Variants in SMARCC1 observed in about 807,000 individuals in gnomAD.
The protein encoded by SMARCC1 is SWI/SNF related BAF chromatin remodeling complex subunit C1.
A neutral mutation model predicts 147.4 loss-of-function variants in SMARCC1; 43 were observed. That is an observed-to-expected ratio of 0.29 (90% confidence interval 0.23 to 0.38). The LOEUF is 0.38. SMARCC1 is among the 10% of genes least tolerant of loss of function. The pLI is 1.00. For synonymous variants in SMARCC1, 495 were observed against 484.4 expected (o/e 1.02, Z -0.29); for missense variants, 1,119 against 1,381.1 (o/e 0.81, Z 3.01).
At chr3:47,707,834 G>GC (rs2106794749) in intron 9 of SMARCC1, among the ~76,000 whole-genome samples, 1 of 152,146 alleles carries the variant, frequency 6.6e-6, no homozygotes, top group Non-Finnish European at 1.5e-5. Context: ...TGCTATGATC[G>GC]CAACACTGCA....
intron 26 of SMARCC1, among the ~76,000 whole-genome samples, chr3:47,594,349 A>G (rs2032232970): frequency 6.6e-6 from 1 of 152,242 alleles, no homozygotes; most frequent in Non-Finnish European, 1.5e-5. Context: ...CTTGCTGGAA[A>G]ATAACTTGGT....
At chr3:47,737,072 T>C (rs78194131) in intron 4 of SMARCC1, among the ~76,000 whole-genome samples, 1 of 152,028 alleles carries the variant, frequency 6.6e-6, no homozygotes, top group Non-Finnish European at 1.5e-5. Context: ...AAGTGAACAG[T>C]AGGATGGAAG....
intron 16 of SMARCC1, among the ~76,000 whole-genome samples, chr3:47,677,228 T>C (rs1279954507): frequency 6.6e-6 from 1 of 152,080 alleles, no homozygotes; most frequent in African/African-American, 2.4e-5. Context: ...GCCTCCCAAG[T>C]AGCTGGGATT....
At chr3:47,598,974 C>G (rs1487079808) in intron 26 of SMARCC1, among the ~76,000 whole-genome samples, 1 of 151,888 alleles carries the variant, frequency 6.6e-6, no homozygotes, top group Non-Finnish European at 1.5e-5. Flanking sequence ...CTGCAAGCCA[C>G]CGGAAGTTGG....
Position 47,638,747 on chromosome 3 carries a change from G to C in SMARCC1, c.2354C>G (p.Pro785Arg). 6.2e-7 allele frequency: 1 copy of C among 1,613,508 alleles called. No homozygotes were observed. Among genetic ancestry groups the C allele is most frequent in the Admixed American group, 1.7e-5 (1 of 60,016 alleles). Residue 785 changes from proline to arginine, a missense_variant, in exon 22 of 28, where the codon CCT becomes CGT. By Grantham distance (103) the Pro-to-Arg change is moderately radical (BLOSUM62 -2). Transcript: ENST00000254480. ...GAEEEKMEAD[P>R]DGQQPEKAEN... ...TACCTTTTCAGGCTGCTGACCATCA[G>C]GGTCGGCTTCCATTTTTTCCTCTTC...
intron 2 of SMARCC1, among the ~76,000 whole-genome samples, chr3:47,764,979 C>T (rs986539884): frequency 1.3e-5 from 2 of 152,142 alleles, no homozygotes; most frequent in East Asian, 1.9e-4. Flanking sequence ...AGGCCAGGCG[C>T]GGTGGCTCAC....
At chr3:47,675,674 GC>G in intron 17 of SMARCC1, 86 bp from the exon 18 acceptor site, 1 of 700,056 alleles carries the variant, frequency 1.4e-6, no homozygotes, top group East Asian at 2.9e-5. Context: ...TGGGCCAGGC[GC>G]CGTGGCTCAC....
intron 6 of SMARCC1, among the ~76,000 whole-genome samples, chr3:47,723,455 C>T (rs1188939912): frequency 7.4e-6 from 1 of 135,544 alleles, no homozygotes; most frequent in Non-Finnish European, 1.5e-5. Context: ...GCCAGGGTGA[C>T]GGAATGAAAT....
At chr3:47,594,224 G>A (rs1457443588) in intron 26 of SMARCC1, among the ~76,000 whole-genome samples, 2 of 151,536 alleles carry the variant, frequency 1.3e-5, no homozygotes, top group Non-Finnish European at 2.9e-5. Flanking sequence ...TTAAAGCAAA[G>A]TACATCAACA....
At chr3:47,780,759 C>A (rs1307987836) in intron 1 of SMARCC1, among the ~76,000 whole-genome samples, 3 of 151,914 alleles carry the variant, frequency 2.0e-5, no homozygotes, top group African/African-American at 7.3e-5. Context: ...GGCTGGGGAG[C>A]CTTTTCGGCT....
At chr3:47,777,386 A>G (rs960776313) in intron 1 of SMARCC1, among the ~76,000 whole-genome samples, 1 of 150,346 alleles carries the variant, frequency 6.7e-6, no homozygotes. Flanking sequence ...CCCGGCCTAT[A>G]TTTTTAATAA....
intron 6 of SMARCC1, 37 bp downstream of exon 6, chr3:47,728,988 T>C: frequency 1.5e-6 from 2 of 1,331,364 alleles, no homozygotes; most frequent in Non-Finnish European, 2.1e-6. Flanking sequence ...TGGTATGATG[T>C]ATGAGCTCAT....
At chr3:47,723,058 G>C (rs2034251449) in intron 6 of SMARCC1, among the ~76,000 whole-genome samples, 1 of 152,138 alleles carries the variant, frequency 6.6e-6, no homozygotes, top group African/African-American at 2.4e-5. Flanking sequence ...TACTGGTTTG[G>C]TGTGTGAGAG....
intron 7 of SMARCC1, among the ~76,000 whole-genome samples, chr3:47,716,892 A>G (rs1046921114): frequency 1.3e-5 from 2 of 152,174 alleles, no homozygotes; most frequent in Non-Finnish European, 2.9e-5. Context: ...GAAGAATCAC[A>G]TGAGCCCAGG....
chr3:47,756,827 T>G (rs1180223654), intron 2 of SMARCC1, among the ~76,000 whole-genome samples: 1 of 152,188 alleles, frequency 6.6e-6, no homozygotes, highest in Non-Finnish European at 1.5e-5. Context: ...TACCGTTTCC[T>G]GCTGTATATG....
intron 2 of SMARCC1, among the ~76,000 whole-genome samples, chr3:47,753,339 A>AG (rs1479972339): frequency 3.3e-5 from 5 of 151,236 alleles, no homozygotes; most frequent in East Asian, 1.9e-4. Context: ...AAAAAAAAAA[A>AG]AAGAAGAAAA....
intron 9 of SMARCC1, among the ~76,000 whole-genome samples, chr3:47,708,538 C>T (rs1180358878): frequency 6.6e-6 from 1 of 151,890 alleles, no homozygotes; most frequent in Non-Finnish European, 1.5e-5. Context: ...ATGAACTGGC[C>T]AGTTAAATAA....
At chr3:47,651,401 C>G (rs2033188740) in intron 21 of SMARCC1, among the ~76,000 whole-genome samples, 1 of 152,196 alleles carries the variant, frequency 6.6e-6, no homozygotes, top group East Asian at 1.9e-4. Context: ...CAATAGCCCA[C>G]AAATTACCTT....
At chr3:47,736,697 C>A (rs974306237) in intron 4 of SMARCC1, among the ~76,000 whole-genome samples, 4 of 151,258 alleles carry the variant, frequency 2.6e-5, no homozygotes, top group African/African-American at 9.7e-5. Flanking sequence ...TATATAAAAT[C>A]AAATAAAATA....
Sources: allele counts gnomAD v4.1 joint callset (sites outside exome capture counted in the v4.1 genomes callset), GRCh38; gene constraint gnomAD v4.1.1; transcripts MANE v1.5; gene names NCBI Gene and HGNC (gene_info 2026-07-23, HGNC 2026-07-21).